The following CLIC4 variants were observed in gnomAD, a reference collection of about 807,000 sequenced individuals.
The protein encoded by CLIC4 is CLIC family member 4.
Under a neutral mutation model 24.6 loss-of-function variants are expected in CLIC4, and 13 were observed. The observed-to-expected ratio is 0.53, with a 90% CI of 0.34 to 0.84. The LOEUF (loss-of-function observed/expected upper bound fraction) is 0.84, where lower values mean the gene tolerates loss of function less well. Ranked by LOEUF, CLIC4 falls within the 40% of genes least tolerant of loss-of-function variation. The probability of loss-of-function intolerance (pLI) is 0.01; values close to 1 mark genes in which losing one functional copy is unlikely to be tolerated. For missense variants in CLIC4, 227 were observed against 301.7 expected (o/e 0.75, Z 1.83); for synonymous variants, 104 against 111.3 (o/e 0.93, Z 0.41).
At chr1:24,798,268 G>A (rs560388498) in intron 2 of CLIC4, among the ~76,000 whole-genome samples, 8 of 152,290 alleles carry the variant, frequency 5.3e-5, no homozygotes, top group Non-Finnish European at 1.0e-4. Flanking sequence ...GTTGAATACC[G>A]TTGTTGTCAA....
chr1:24,748,477 A>G (rs540223328), intron 1 of CLIC4, among the ~76,000 whole-genome samples: 2 of 138,142 alleles, frequency 1.4e-5, no homozygotes, highest in Non-Finnish European at 3.1e-5. Flanking sequence ...CAAACTTTGC[A>G]CTGATACAGA....
intron 2 of CLIC4, among the ~76,000 whole-genome samples, chr1:24,811,557 C>T (rs553289357): frequency 5.3e-5 from 8 of 151,952 alleles, no homozygotes; most frequent in Admixed American, 1.3e-4. Context: ...ACTGCAGCCT[C>T]GACCGCCTGG....
intron 4 of CLIC4, among the ~76,000 whole-genome samples, chr1:24,831,939 A>G (rs1026466900): frequency 2.0e-5 from 3 of 152,138 alleles, no homozygotes; most frequent in Non-Finnish European, 2.9e-5. Flanking sequence ...ATGCCCGGCC[A>G]TGCATTCACT....
At chr1:24,755,217 C>T (rs1396811729) in intron 1 of CLIC4, among the ~76,000 whole-genome samples, 3 of 151,918 alleles carry the variant, frequency 2.0e-5, no homozygotes, top group East Asian at 1.9e-4. Flanking sequence ...CTGCCCGCCT[C>T]GGCCTCCCAA....
intron 1 of CLIC4, among the ~76,000 whole-genome samples, chr1:24,762,786 C>G (rs765728676): frequency 6.6e-6 from 1 of 152,076 alleles, no homozygotes; most frequent in Non-Finnish European, 1.5e-5. Context: ...AAGTAAGAGA[C>G]TGGAGTCAGT....
intron 1 of CLIC4, among the ~76,000 whole-genome samples, chr1:24,796,944 TTTTA>T (rs1312518072): frequency 1.2e-4 from 18 of 151,532 alleles, no homozygotes; most frequent in South Asian, 4.2e-4. Flanking sequence ...TTATTTTTTA[TTTTA>T]TTTATTTATT....
chr1:24,757,622 A>G (rs1638867946), intron 1 of CLIC4, among the ~76,000 whole-genome samples: 1 of 152,210 alleles, frequency 6.6e-6, no homozygotes, highest in African/African-American at 2.4e-5. Context: ...GCTACCTAGG[A>G]AAACAGAAAA....
At chr1:24,796,345 C>T (rs181036619) in intron 1 of CLIC4, among the ~76,000 whole-genome samples, 2 of 152,136 alleles carry the variant, frequency 1.3e-5, no homozygotes, top group Non-Finnish European at 1.5e-5. Flanking sequence ...CGTACCACCA[C>T]GTCCAGCTAA....
At chr1:24,780,878 A>G (rs532356223) in intron 1 of CLIC4, among the ~76,000 whole-genome samples, 61 of 151,760 alleles carry the variant, frequency 4.0e-4, no homozygotes, top group African/African-American at 1.4e-3. Flanking sequence ...ACCTGAGGTC[A>G]AGAGTTTGAG....
chr1:24,773,169 T>TG (rs1639093187), intron 1 of CLIC4, among the ~76,000 whole-genome samples: 1 of 152,204 alleles, frequency 6.6e-6, no homozygotes, highest in African/African-American at 2.4e-5. Flanking sequence ...GAATGTAATC[T>TG]CTTAAAAAGA....
rs910269422 is a variant in CLIC4 at position 24,835,492 on chromosome 1, G to A, written c.416-4368G>A. On this transcript the variant is annotated intron_variant, in intron 4 of 5. Transcript: ENST00000374379. ...GCAGGAGAGTCACTTGAAACTGGGA[G>A]GCGGAGGTTGCAGCGAGCTGAGATT... 3.9e-5 allele frequency among the ~76,000 whole-genome samples: 6 copies of A among 152,214 alleles called. No homozygotes were observed. The East Asian group carries it at 1.2e-3, about 29-fold the overall frequency.
intron 3 of CLIC4, among the ~76,000 whole-genome samples, chr1:24,822,341 C>CTTTTTTTTTT (rs71032865): frequency 2.7e-5 from 2 of 75,464 alleles, no homozygotes; most frequent in African/African-American, 9.1e-5. Flanking sequence ...TCAGTGAATT[C>CTTTTTTTTTT]TTTTTTTTTT....
At chr1:24,808,563 T>C (rs1377382832) in intron 2 of CLIC4, among the ~76,000 whole-genome samples, 1 of 149,594 alleles carries the variant, frequency 6.7e-6, no homozygotes, top group Non-Finnish European at 1.5e-5. Context: ...TCGCCCAGGC[T>C]GGAGTACAGT....
rs142783137 is a variant in CLIC4 at position 24,774,097 on chromosome 1, C to T, written c.73-23645C>T. ...AAACAGTTCTCCTGCCTCAGCCTCC[C>T]GAGTAGCTGGGACTACAGGTGCACA... On this transcript the variant is annotated intron_variant, in intron 1 of 5. Coordinates refer to ENST00000374379, the MANE Select transcript of CLIC4 (RefSeq NM_013943.3). Among the ~76,000 whole-genome samples the T allele has an allele frequency of 2.9e-3, 437 of 152,138 alleles. 1 individual carries two copies. The highest frequency in any genetic ancestry group is 9.8e-3 in the African/African-American group (407 of 41,536).
intron 1 of CLIC4, among the ~76,000 whole-genome samples, chr1:24,751,335 G>A (rs546328487): frequency 4.7e-5 from 7 of 150,384 alleles, no homozygotes; most frequent in South Asian, 4.3e-4. Context: ...GCAGACTCCC[G>A]AGTAGCTGGG....
chr1:24,751,186 T>TC (rs1638769918), intron 1 of CLIC4, among the ~76,000 whole-genome samples: 1 of 151,136 alleles, frequency 6.6e-6, no homozygotes, highest in South Asian at 2.1e-4. Context: ...CTCTTTTTTT[T>TC]CTCCATTTAA....
At chr1:24,796,228 C>T (rs751139301) in intron 1 of CLIC4, among the ~76,000 whole-genome samples, 4 of 152,010 alleles carry the variant, frequency 2.6e-5, no homozygotes, top group Non-Finnish European at 5.9e-5. Context: ...CTTGCTCCTT[C>T]GCTAGGCTGG....
rs1639884704 is a variant in CLIC4 at position 24,836,281 on chromosome 1, T to G, written c.416-3579T>G. 2.6e-5 allele frequency among the ~76,000 whole-genome samples: 4 copies of G among 152,274 alleles called. No individual in the cohort carries two copies. The South Asian group carries it at 8.3e-4, about 32-fold the overall frequency. On this transcript the variant is annotated intron_variant, in intron 4 of 5. Coordinates refer to ENST00000374379, the MANE Select transcript of CLIC4 (RefSeq NM_013943.3). Reference sequence around the variant, plus strand: ...ACAGTCATAGTGGGGGATCTTAACTTACCCCCTTAGTAACTGTTAGAATCA... The same window carrying G: ...ACAGTCATAGTGGGGGATCTTAACTGACCCCCTTAGTAACTGTTAGAATCA...
rs373840147 is a variant in CLIC4, at chr1:24,794,540, TTTA to T, written c.73-3200_73-3198del. On this transcript the variant is annotated intron_variant, in intron 1 of 5. Coordinates refer to ENST00000374379, the MANE Select transcript of CLIC4 (RefSeq NM_013943.3). ...GTTGCCCACATTTTAATGGGGTTGT[TTTA>T]TATTTGTAATTTTGTTTAAGTTCCT... Among the ~76,000 whole-genome samples the T allele has an allele frequency of 1.4e-4, 21 of 152,286 alleles. No homozygotes were observed. In the East Asian group the frequency reaches 3.9e-3, roughly 28 times the overall value.
Sources: gnomAD v4.1 joint callset for allele counts (sites outside exome capture counted in the v4.1 genomes callset) on GRCh38, gnomAD v4.1.1 for gene constraint, MANE v1.5 for transcripts, NCBI Gene and HGNC (gene_info 2026-07-23, HGNC 2026-07-21) for gene names.